Variants in GATM observed in about 807,000 individuals in gnomAD.
GATM encodes glycine amidinotransferase, mitochondrial.
In GATM, 23 loss-of-function variants were observed where a neutral mutation model predicts 54.2. The ratio of observed to expected loss-of-function variants is 0.42; its 90% CI spans 0.31 to 0.60. The LOEUF is 0.60. Among genes scored for constraint, GATM ranks in the 20% least tolerant of loss-of-function variants. GATM has a pLI of 0.14. For synonymous variants in GATM, 168 were observed against 183.1 expected (o/e 0.92, Z 0.67); for missense variants, 401 against 544.9 (o/e 0.74, Z 2.63).
intron 8 of GATM, 116 bp from the exon 9 acceptor site, chr15:45,362,337 C>A: frequency 2.8e-6 from 2 of 703,876 alleles, no homozygotes; most frequent in South Asian, 1.5e-5. Flanking sequence ...GGATACCCAA[C>A]CCAGAATAGT....
intron 3 of GATM, among the ~76,000 whole-genome samples, chr15:45,393,152 G>C (rs984474329): frequency 1.3e-5 from 2 of 152,166 alleles, no homozygotes; most frequent in African/African-American, 4.8e-5. Flanking sequence ...CTATGAGGTA[G>C]GTATTAGTTT....
At chr15:45,369,605 G>C (rs1287473018) in intron 2 of GATM, 84 bp from the exon 3 acceptor site, 6 of 1,212,086 alleles carry the variant, frequency 5.0e-6, no homozygotes, top group Non-Finnish European at 7.2e-6. Flanking sequence ...ACAGCTCTTT[G>C]TATAAGGTAT....
intron 2 of GATM, among the ~76,000 whole-genome samples, chr15:45,372,406 T>G (rs1164575689): frequency 6.6e-6 from 1 of 152,236 alleles, no homozygotes. Flanking sequence ...TTAAACATTT[T>G]TAAAGACCAA....
chr15:45,378,507 C>T lies in GATM; in HGVS notation c.-54G>A, dbSNP rs984908086. ...AATGTTCCTGGCCTCTGGGCCGCGT[C>T]GGTCCAAGCCTTCCCGAGAGCGCGC... On this transcript the variant is annotated 5_prime_UTR_variant, in exon 1 of 9. Coordinates refer to ENST00000396659, the MANE Select transcript of GATM (RefSeq NM_001482.3). The T allele has an allele frequency of 1.5e-5, 19 of 1,287,718 alleles. No individual in the cohort carries two copies. The highest frequency in any genetic ancestry group is 9.7e-5 in the East Asian group (3 of 31,070). The allele number at this position is 1,287,718 out of a possible 1,614,324, so 79.8% of individuals were successfully genotyped here.
At chr15:45,380,451 T>G (rs1889726516), upstream of GATM, 1 of 152,106 alleles carries the variant, frequency 6.6e-6, no homozygotes, top group African/African-American at 2.4e-5. Context: ...TTGGGAAATC[T>G]CTAACATTTC....
intron 3 of GATM, among the ~76,000 whole-genome samples, chr15:45,388,110 C>A (rs563186889): frequency 1.3e-5 from 2 of 152,260 alleles, no homozygotes; most frequent in African/African-American, 2.4e-5. Flanking sequence ...AGTCAGCCCC[C>A]CAGAGTGCTG....
chr15:45,364,528 C>A, intron 7 of GATM: 9 of 406,110 alleles, frequency 2.2e-5, no homozygotes, highest in Non-Finnish European at 4.5e-6. Context: ...AAGCAAGACA[C>A]TGTCTCAAAA....
At chr15:45,367,995 A>G in intron 4 of GATM, 75 bp downstream of exon 4, 1 of 1,302,812 alleles carries the variant, frequency 7.7e-7, no homozygotes, top group South Asian at 1.2e-5. Flanking sequence ...ACAAGGTATC[A>G]GAGAATCTCT....
At chr15:45,390,730 A>G (rs1595489724) in intron 3 of GATM, among the ~76,000 whole-genome samples, 1 of 119,270 alleles carries the variant, frequency 8.4e-6, no homozygotes, top group South Asian at 2.3e-4. Flanking sequence ...AGCTGATAAG[A>G]TACACAGAAT....
chr15:45,372,144 G>A (rs1390842647), intron 2 of GATM, among the ~76,000 whole-genome samples: 1 of 152,198 alleles, frequency 6.6e-6, no homozygotes. Context: ...TGTAAATAAA[G>A]TTTTACAGGA....
chr15:45,364,823 GTAATGA>G lies in GATM; in HGVS notation c.1010_1015del (p.Ile337_Ile338del). The G allele has an allele frequency of 6.2e-7, 1 of 1,613,854 alleles. No individual in the cohort carries two copies. Among genetic ancestry groups the G allele is most frequent in the Non-Finnish European group, 8.5e-7 (1 of 1,179,848 alleles). ...GTCTGGGATGATTGGTGTTGGAGGA[GTAATGA>G]TAGTCCATCCTGCTTTCTTGAAAAG... On this transcript the variant is annotated inframe_deletion, in exon 7 of 9. Coordinates refer to ENST00000396659, the MANE Select transcript of GATM (RefSeq NM_001482.3).
chr15:45,370,549 C>G (rs1889525522), intron 2 of GATM, among the ~76,000 whole-genome samples: 1 of 152,132 alleles, frequency 6.6e-6, no homozygotes, highest in African/African-American at 2.4e-5. Flanking sequence ...ATCCATTCAG[C>G]TCTCACATCT....
intron 4 of GATM, among the ~76,000 whole-genome samples, chr15:45,366,947 T>C (rs1337687750): frequency 2.6e-5 from 4 of 152,188 alleles, no homozygotes; most frequent in Admixed American, 2.6e-4. Context: ...GGTATGTATA[T>C]ATGTACAGGA....
rs1889686870 is a variant in GATM at position 45,378,540 on chromosome 15, G to C, written c.-87C>G. ...GCCTTCCCGAGAGCGCGCCCGGAGC[G>C]GGGTGGGCGGGCGCGCGGGGCCCGA... On this transcript the variant is annotated 5_prime_UTR_variant, in exon 1 of 9. Transcript: ENST00000396659. 6.4e-6 allele frequency: 7 copies of C among 1,090,440 alleles called. No individual in the cohort carries two copies. Among genetic ancestry groups the C allele is most frequent in the South Asian group, 4.8e-5 (2 of 41,794 alleles). The allele number at this position is 1,090,440 out of a possible 1,614,324, so 67.5% of individuals were successfully genotyped here.
Position 45,369,664 on chromosome 15 carries a change from T to G in GATM, c.289-143A>C, listed in dbSNP as rs1367108713. 6.8e-6 allele frequency: 5 copies of G among 738,686 alleles called. No homozygotes were observed. The Admixed American group carries it at 1.0e-4, about 15-fold the overall frequency. 45.8% of individuals were successfully genotyped at this position (738,686 alleles called of 1,614,324 possible). On this transcript the variant is annotated intron_variant, in intron 2 of 8. Transcript: ENST00000396659. ...CATGTTCAGTGCTGATCCCTAGCAT[T>G]GAGCACATAAGCCCTCTGGGCAGAC...
chr15:45,380,185 G>C (rs902960798), upstream of GATM: 4 of 125,972 alleles, frequency 3.2e-5, no homozygotes, highest in African/African-American at 1.2e-4. Context: ...TGTAATCCCA[G>C]CTACTGAGCT....
rs1398529236 is a variant in GATM at position 45,368,264 on chromosome 15, T to A, written c.485-4A>T. ...CGAGGCATTGCACTGTATAAACCTGTCAGACCAAAAAATTCCATGACAACT... is the reference window on the plus strand; with the variant it reads ...CGAGGCATTGCACTGTATAAACCTGACAGACCAAAAAATTCCATGACAACT... On this transcript the variant is annotated splice_polypyrimidine_tract_variant and splice_region_variant and intron_variant, in intron 3 of 8. Coordinates refer to ENST00000396659, the MANE Select transcript of GATM (RefSeq NM_001482.3). The surrounding 1 kb of genome is among the most constrained non-coding windows in gnomAD (Gnocchi z 5.1). 6.2e-6 allele frequency: 10 copies of A among 1,613,394 alleles called. No homozygotes were observed. Among genetic ancestry groups the A allele is most frequent in the Non-Finnish European group, 8.5e-6 (10 of 1,179,892 alleles).
chr15:45,361,815 T>C lies in GATM; in HGVS notation c.*294A>G, dbSNP rs943520998. On this transcript the variant is annotated 3_prime_UTR_variant, in exon 9 of 9. Coordinates refer to ENST00000396659, the MANE Select transcript of GATM (RefSeq NM_001482.3). The stretch of plus-strand genomic sequence containing the variant: ...ATTAAAAACAGAGGTAGATGGTTAA[T>C]TATTAGTGGCCAAGTTACTCAGGTG... The C allele has an allele frequency of 5.1e-5, 27 of 524,586 alleles. No homozygotes were observed. Among genetic ancestry groups the C allele is most frequent in the Non-Finnish European group, 8.3e-5 (25 of 299,506 alleles). 32.5% of individuals were successfully genotyped at this position (524,586 alleles called of 1,614,324 possible).
chr15:45,391,826 T>C (rs951315697), intron 3 of GATM, among the ~76,000 whole-genome samples: 5 of 152,196 alleles, frequency 3.3e-5, no homozygotes, highest in African/African-American at 1.2e-4. Flanking sequence ...CTAAAAAATT[T>C]TCAAGTTCTT....
Sources: gnomAD v4.1 joint callset for allele counts (sites outside exome capture counted in the v4.1 genomes callset) on GRCh38, gnomAD v4.1.1 for gene constraint, Gnocchi (gnomAD v3.1) non-coding constraint, MANE v1.5 for transcripts, NCBI Gene and HGNC (gene_info 2026-07-23, HGNC 2026-07-21) for gene names.